The following SYNPR variants were observed in gnomAD, a reference collection of about 807,000 sequenced individuals.
SYNPR encodes the protein synaptoporin.
SYNPR carries 23 observed loss-of-function variants against 32.9 expected under a neutral mutation model. The ratio of observed to expected loss-of-function variants is 0.70; its 90% CI spans 0.50 to 0.99. SYNPR has a LOEUF of 0.99. Among genes scored for constraint, SYNPR ranks in the 50% least tolerant of loss-of-function variants. SYNPR has a pLI of 0.00. For synonymous variants in SYNPR, 146 were observed against 135.9 expected, an observed-to-expected ratio of 1.07 and a Z score of -0.52; for missense variants, 318 against 349.3, an observed-to-expected ratio of 0.91 and a Z score of 0.71.
intron 3 of SYNPR, among the ~76,000 whole-genome samples, chr3:63,549,078 C>T (rs1207094786): frequency 1.3e-5 from 2 of 152,198 alleles, no homozygotes; most frequent in Non-Finnish European, 2.9e-5. Context: ...TAGTCAGGTT[C>T]ATTTACCCTT....
intron 2 of SYNPR, among the ~76,000 whole-genome samples, chr3:63,298,718 T>C (rs1043021703): frequency 6.6e-6 from 1 of 152,110 alleles, no homozygotes; most frequent in Non-Finnish European, 1.5e-5. Context: ...AAGTACCTTA[T>C]TTGGGAGGTA....
chr3:63,502,690 C>T (rs1199172363), intron 3 of SYNPR, among the ~76,000 whole-genome samples: 4 of 152,062 alleles, frequency 2.6e-5, no homozygotes, highest in Non-Finnish European at 5.9e-5. Flanking sequence ...TAGTAATATG[C>T]ATTTAAGTTT....
At chr3:63,463,754 T>C (rs1700629701) in intron 2 of SYNPR, among the ~76,000 whole-genome samples, 1 of 152,150 alleles carries the variant, frequency 6.6e-6, no homozygotes, top group Non-Finnish European at 1.5e-5. Context: ...AGCCCACAGA[T>C]ACTCCTCATC....
chr3:63,239,768 C>T (rs1383935272), intron 1 of SYNPR, among the ~76,000 whole-genome samples: 1 of 151,460 alleles, frequency 6.6e-6, no homozygotes, highest in Non-Finnish European at 1.5e-5. Context: ...TACCCTCATC[C>T]TACCATTGTC....
chr3:63,544,977 C>A (rs1160847151), intron 3 of SYNPR, among the ~76,000 whole-genome samples: 1 of 150,052 alleles, frequency 6.7e-6, no homozygotes, highest in Non-Finnish European at 1.5e-5. Flanking sequence ...CGTCCAAGGT[C>A]AAATAGCTGA....
At chr3:63,345,820 C>CT (rs56394319) in intron 2 of SYNPR, among the ~76,000 whole-genome samples, 42 of 148,496 alleles carry the variant, frequency 2.8e-4, no homozygotes, top group Middle Eastern at 6.9e-3. Flanking sequence ...TTTTCTGGAA[C>CT]TTTTTTTTTT....
rs1239131891 is a variant in SYNPR, at chr3:63,361,408, C to G, written c.84+82666C>G. ...CAAGACCATCCTGGCCAACAAGGTA[C>G]ATGGTGAAACCCCATCTCTACTAAA... On this transcript the variant is annotated intron_variant, in intron 2 of 5. Transcript: ENST00000478300. Among the ~76,000 whole-genome samples, 3 of 151,806 alleles carry G rather than the reference C, an allele frequency of 2.0e-5. No homozygotes were observed. In the Admixed American group the frequency reaches 2.0e-4, roughly 10 times the overall value.
chr3:63,256,476 C>T (rs1366602876), intron 2 of SYNPR, among the ~76,000 whole-genome samples: 1 of 152,202 alleles, frequency 6.6e-6, no homozygotes, highest in Non-Finnish European at 1.5e-5. Context: ...AGTGGATCTC[C>T]AGCAAACTCC....
chr3:63,207,239 C>T, the SYNPR span, among the ~76,000 whole-genome samples: 15 of 152,218 alleles, frequency 9.9e-5, no homozygotes, highest in Non-Finnish European at 1.3e-4. Flanking sequence ...CATTCAGTGA[C>T]GTGTGCTGGG....
At position 63,577,464 on chromosome 3, in the gene SYNPR, G is replaced by A. The variant is rs530199898; in HGVS notation, c.408+20723G>A. 3.2e-4 allele frequency among the ~76,000 whole-genome samples: 48 copies of A among 152,228 alleles called. No individual in the cohort carries two copies. In the South Asian group the frequency reaches 9.8e-3, roughly 31 times the overall value. ...ATTGATTCCAACCAGAGCAACTTGG[G>A]AACTGTTTTTTTGGAAGGGAGGGAC... is the stretch of plus-strand genomic sequence containing the variant. On this transcript the variant is annotated intron_variant, in intron 4 of 5. Coordinates refer to ENST00000478300, the MANE Select transcript of SYNPR (RefSeq NM_001130003.2).
intron 3 of SYNPR, among the ~76,000 whole-genome samples, chr3:63,515,305 C>A (rs1293418130): frequency 6.6e-6 from 1 of 152,026 alleles, no homozygotes; most frequent in East Asian, 1.9e-4. Context: ...TCTAAAGTCC[C>A]CCTCATGCTT....
rs554785580 is a variant in SYNPR, at chr3:63,608,333, T to G, written c.409-792T>G. On this transcript the variant is annotated intron_variant, in intron 4 of 5. Transcript: ENST00000478300. ...GATGATTTTCAGGGTCAGACAGACC[T>G]AGATTTGAATTCTGGCTCTGCAACT... Among the ~76,000 whole-genome samples, 3 of 152,302 alleles carry G rather than the reference T, an allele frequency of 2.0e-5. No homozygotes were observed. In the South Asian group the frequency reaches 6.2e-4, roughly 32 times the overall value.
chr3:63,283,790 G>A (rs2086654139), intron 2 of SYNPR, among the ~76,000 whole-genome samples: 1 of 144,776 alleles, frequency 6.9e-6, no homozygotes, highest in South Asian at 2.3e-4. Context: ...AGTTGGTATA[G>A]TCCTTCCACA....
At chr3:63,250,694 A>G (rs1019089226) in intron 1 of SYNPR, among the ~76,000 whole-genome samples, 8 of 152,194 alleles carry the variant, frequency 5.3e-5, no homozygotes, top group Non-Finnish European at 1.5e-5. Context: ...AAAGATGAGG[A>G]AAATGAGTCT....
intron 4 of SYNPR, among the ~76,000 whole-genome samples, chr3:63,580,314 C>T (rs1409387778): frequency 6.6e-6 from 1 of 152,104 alleles, no homozygotes; most frequent in Admixed American, 6.6e-5. Context: ...ATTAAGTGCC[C>T]TGGGGCAAAT....
chr3:63,576,677 G>A (rs906468907), intron 4 of SYNPR, among the ~76,000 whole-genome samples: 1 of 151,740 alleles, frequency 6.6e-6, no homozygotes, highest in African/African-American at 2.4e-5. Flanking sequence ...TGTAGTCCCA[G>A]CTACTCGGGA....
chr3:63,352,216 G>C (rs12487095), intron 2 of SYNPR, among the ~76,000 whole-genome samples: 45,905 of 152,060 alleles, frequency 0.3, 8,316 homozygotes, highest in Non-Finnish European at 0.41. Context: ...AGACTTGAAG[G>C]CTTGCAAGGA....
At chr3:63,277,263 T>C (rs1347126120), upstream of SYNPR, among the ~76,000 whole-genome samples, 2 of 152,208 alleles carry the variant, frequency 1.3e-5, no homozygotes, top group Non-Finnish European at 2.9e-5. Flanking sequence ...TATTAACTTA[T>C]GGGGGTTTGT....
chr3:63,553,625 A>G (rs2106824168), intron 3 of SYNPR, among the ~76,000 whole-genome samples: 1 of 152,276 alleles, frequency 6.6e-6, no homozygotes, highest in Middle Eastern at 3.4e-3. Flanking sequence ...GGTGTGAGAT[A>G]TTATCTCATC....
Sources: gnomAD v4.1 joint callset for allele counts (sites outside exome capture counted in the v4.1 genomes callset) on GRCh38, gnomAD v4.1.1 for gene constraint, MANE v1.5 for transcripts, NCBI Gene and HGNC (gene_info 2026-07-23, HGNC 2026-07-21) for gene names.